Variants in IQCM observed in about 807,000 individuals in gnomAD.
IQCM encodes the protein IQ motif containing M.
In IQCM, 45 loss-of-function variants were observed where a neutral mutation model predicts 57.6. That is an observed-to-expected ratio of 0.78 (90% CI 0.62 to 1.00). The LOEUF is 1.00. Ranked by LOEUF, IQCM falls within the 50% of genes least tolerant of loss-of-function variation. IQCM has a pLI of 0.00. For synonymous variants in IQCM, 148 were observed against 158.9 expected (o/e 0.93, Z 0.51); for missense variants, 468 against 511.6 (o/e 0.91, Z 0.82).
Position 149,735,461 on chromosome 4 carries a change from A to G in IQCM, c.38-3T>C. ...CTTGGTGATCTCTAATGTAGGACCTAATATACAAACAGAGAAACATTTTTT... is the reference window on the plus strand; with the variant it reads ...CTTGGTGATCTCTAATGTAGGACCTGATATACAAACAGAGAAACATTTTTT... On this transcript the variant is annotated splice_region_variant and splice_polypyrimidine_tract_variant and intron_variant, in intron 3 of 13. Coordinates refer to ENST00000636793, the MANE Select transcript of IQCM (RefSeq NM_001363507.2). 3 of 1,178,906 alleles carry G rather than the reference A, an allele frequency of 2.5e-6. No homozygotes were observed. The highest frequency in any genetic ancestry group is 3.2e-6 in the Non-Finnish European group (3 of 938,776). 73.0% of individuals were successfully genotyped at this position (1,178,906 alleles called of 1,614,324 possible).
intron 12 of IQCM, among the ~76,000 whole-genome samples, chr4:149,487,741 T>C (rs1741674403): frequency 6.6e-6 from 1 of 152,150 alleles, no homozygotes; most frequent in African/African-American, 2.4e-5. Flanking sequence ...TAAAATCCCC[T>C]AGTCACTGCA....
At chr4:149,663,280 T>A (rs973752934) in intron 7 of IQCM, among the ~76,000 whole-genome samples, 19 of 151,990 alleles carry the variant, frequency 1.3e-4, no homozygotes, top group Non-Finnish European at 2.4e-4. Context: ...GCTTTTTTTT[T>A]AACCATTTTT....
chr4:149,761,112 A>G (rs1023765288), intron 2 of IQCM, among the ~76,000 whole-genome samples: 3 of 152,124 alleles, frequency 2.0e-5, no homozygotes. Flanking sequence ...CCTTTGATAC[A>G]TACGCCAGCA....
intron 8 of IQCM, among the ~76,000 whole-genome samples, chr4:149,610,936 T>C (rs979778040): frequency 3.3e-5 from 5 of 151,968 alleles, no homozygotes; most frequent in South Asian, 2.1e-4. Context: ...AGCCAACGAA[T>C]GGGGGAAAAT....
intron 2 of IQCM, among the ~76,000 whole-genome samples, chr4:149,805,143 G>A (rs916958147): frequency 6.6e-6 from 1 of 152,066 alleles, no homozygotes; most frequent in Non-Finnish European, 1.5e-5. Context: ...AGAGTTGCAT[G>A]AATATGTGTA....
intron 12 of IQCM, among the ~76,000 whole-genome samples, chr4:149,442,461 T>G (rs1053694828): frequency 2.0e-5 from 3 of 152,006 alleles, no homozygotes; most frequent in Admixed American, 6.6e-5. Context: ...GCACATTCAA[T>G]TCTGGTTAAA....
Position 149,388,550 on chromosome 4 carries a change from TATATA to T in IQCM, c.1391-36489_1391-36485del, listed in dbSNP as rs1370357626. On this transcript the variant is annotated intron_variant, in intron 13 of 13. Transcript: ENST00000636793. Reference sequence around the variant, plus strand: ...TATATATTATATATTATATATAATATATATAATATATTTATATACATAAATATATA... The same window carrying T: ...TATATATTATATATTATATATAATATATATATTTATATACATAAATATATA... Among the ~76,000 whole-genome samples, 392 of 134,134 alleles carry T rather than the reference TATATA, an allele frequency of 2.9e-3. 3 individuals are homozygous for T. Among genetic ancestry groups the T allele is most frequent in the African/African-American group, 9.7e-3 (369 of 37,904 alleles). The allele number at this position is 134,134 out of a possible 152,430, so 88.0% of individuals were successfully genotyped here.
chr4:149,597,948 C>G (rs952999533), intron 8 of IQCM, among the ~76,000 whole-genome samples: 1 of 152,002 alleles, frequency 6.6e-6, no homozygotes, highest in Non-Finnish European at 1.5e-5. Flanking sequence ...AAATAGAGTA[C>G]ATAGACATAT....
At chr4:149,812,911 T>C (rs1276411959) in intron 2 of IQCM, among the ~76,000 whole-genome samples, 1 of 152,194 alleles carries the variant, frequency 6.6e-6, no homozygotes, top group African/African-American at 2.4e-5. Flanking sequence ...TTTGTTGTAA[T>C]AGTTTTAAAA....
At chr4:149,605,822 G>A (rs980754046) in intron 8 of IQCM, among the ~76,000 whole-genome samples, 11 of 151,810 alleles carry the variant, frequency 7.2e-5, no homozygotes, top group African/African-American at 2.7e-4. Flanking sequence ...AGTCAGTGAA[G>A]CTCAGAGAGA....
At chr4:149,572,087 T>C (rs1751213592) in intron 9 of IQCM, among the ~76,000 whole-genome samples, 2 of 152,048 alleles carry the variant, frequency 1.3e-5, no homozygotes, top group East Asian at 1.9e-4. Flanking sequence ...CTCACTGATA[T>C]ATGATGACCC....
At position 149,526,457 on chromosome 4, in the gene IQCM, T is replaced by G. The variant is rs146418684; in HGVS notation, c.1228+21998A>C. Among the ~76,000 whole-genome samples, 285 of 152,092 alleles carry G rather than the reference T, an allele frequency of 1.9e-3. 1 individual carries two copies. The highest frequency in any genetic ancestry group is 6.7e-3 in the African/African-American group (278 of 41,530). ...TTTTAATTTTACAAAAATATATTAT[T>G]TATATCATCAAAAAAGTTCTTTTCA... On this transcript the variant is annotated intron_variant, in intron 12 of 13. Transcript: ENST00000636793.
At chr4:149,462,259 G>A (rs957121822) in intron 12 of IQCM, among the ~76,000 whole-genome samples, 1 of 152,146 alleles carries the variant, frequency 6.6e-6, no homozygotes, top group Non-Finnish European at 1.5e-5. Context: ...TCAGTGGAAA[G>A]CTTCTCCAGG....
chr4:149,547,145 A>G (rs1212535908), intron 12 of IQCM, among the ~76,000 whole-genome samples: 1 of 151,948 alleles, frequency 6.6e-6, no homozygotes, highest in Admixed American at 6.6e-5. Context: ...GTGTGGTATT[A>G]TTTCTGAGGG....
At chr4:149,768,331 G>A (rs927748867) in intron 2 of IQCM, among the ~76,000 whole-genome samples, 1 of 151,986 alleles carries the variant, frequency 6.6e-6, no homozygotes, top group Non-Finnish European at 1.5e-5. Flanking sequence ...AATAAAACCA[G>A]AGTTAGAATT....
intron 12 of IQCM, among the ~76,000 whole-genome samples, chr4:149,494,111 TGATAC>T (rs1171469481): frequency 6.6e-6 from 1 of 151,958 alleles, no homozygotes; most frequent in Non-Finnish European, 1.5e-5. Flanking sequence ...AAACATAGCC[TGATAC>T]GATACCCACA....
intron 2 of IQCM, among the ~76,000 whole-genome samples, chr4:149,797,599 T>C (rs1449736433): frequency 2.0e-5 from 3 of 151,768 alleles, no homozygotes; most frequent in East Asian, 3.9e-4. Flanking sequence ...CCAAGCAAAT[T>C]TAATACAAAG....
chr4:149,563,791 T>G lies in IQCM; in HGVS notation c.849A>C (p.Lys283Asn). 8.1e-7 allele frequency: 1 copy of G among 1,231,992 alleles called. No individual in the cohort carries two copies. Among genetic ancestry groups the G allele is most frequent in the South Asian group, 4.1e-5 (1 of 24,312 alleles). 76.3% of individuals were successfully genotyped at this position (1,231,992 alleles called of 1,614,324 possible). The change falls in exon 10 of 14, where the codon AAA becomes AAC. Residue 283 changes from lysine to asparagine, a missense_variant. Lys to Asn is a moderately conservative substitution (Grantham distance 94). Transcript: ENST00000636793. ...TAATCAATTTTGGGGTAATCATGAA[T>G]TTTTTTCTTTCTCGGAACACTTGGA... ...EIFQVFRERK[K>N]FMITPKLIRM...
chr4:149,454,060 G>T (rs767708815), intron 12 of IQCM, among the ~76,000 whole-genome samples: 4 of 150,508 alleles, frequency 2.7e-5, no homozygotes, highest in African/African-American at 4.9e-5. Context: ...ACAAAATTTT[G>T]ACACATGCAC....
Sources: gnomAD v4.1 joint callset for allele counts (sites outside exome capture counted in the v4.1 genomes callset) on GRCh38, gnomAD v4.1.1 for gene constraint, MANE v1.5 for transcripts, NCBI Gene and HGNC (gene_info 2026-07-23, HGNC 2026-07-21) for gene names.